FIGNL2: variants seen among roughly 807,000 people sequenced by gnomAD.
FIGNL2 encodes the protein fidgetin-like protein 2.
For synonymous variants in FIGNL2, 565 were observed against 484.0 expected, an observed-to-expected ratio of 1.17 and a Z score of -2.20; for missense variants, 1,060 against 950.2, an observed-to-expected ratio of 1.12 and a Z score of -1.52.
chr12:51,837,711 C>T (rs1318350416), intron 1 of FIGNL2, among the ~76,000 whole-genome samples: 1 of 152,202 alleles, frequency 6.6e-6, no homozygotes, highest in Non-Finnish European at 1.5e-5. Flanking sequence ...TTGTCTCACC[C>T]CAAAGCTAGG....
chr12:51,821,098 G>A lies in FIGNL2; in HGVS notation c.1316C>T (p.Ala439Val). ...CGTGGCGAGGCAGCGGCCCAGCAGC[G>A]CTTTGCCCGCGCCCCGCGGCCCAAA... ...LLFGPRGAGK[A>V]LLGRCLATQL... The change falls in exon 2 of 2, where the codon GCG becomes GTG. Residue 439 changes from alanine to valine, a missense_variant. Coordinates refer to ENST00000618634, the MANE Select transcript of FIGNL2 (RefSeq NM_001384995.1). The A allele has an allele frequency of 7.3e-7, 1 of 1,369,478 alleles. No homozygotes were observed. The highest frequency in any genetic ancestry group is 9.3e-7 in the Non-Finnish European group (1 of 1,071,846). 84.8% of individuals were successfully genotyped at this position (1,369,478 alleles called of 1,614,324 possible). A position where few individuals can be genotyped will look rare whatever the true frequency, so the allele number is the denominator to read the frequency against.
At position 51,820,660 on chromosome 12, in the gene FIGNL2, G is replaced by A. The variant is rs761433757; in HGVS notation, c.1754C>T (p.Ala585Val). 2.5e-5 allele frequency: 38 copies of A among 1,515,708 alleles called. No individual in the cohort carries two copies. In the South Asian group the frequency reaches 4.1e-4, roughly 16 times the overall value. 93.9% of individuals were successfully genotyped at this position (1,515,708 alleles called of 1,614,324 possible). A position where few individuals can be genotyped will look rare whatever the true frequency, so the allele number is the denominator to read the frequency against. Residue 585 changes from alanine (A) to valine (V), a missense_variant, in exon 2 of 2, where the codon GCG becomes GTG. By Grantham distance (64) the Ala-to-Val change is moderately conservative (BLOSUM62 0). Transcript: ENST00000618634. ...GCALSERELA[A>V]LVQGTQGFSG... ...GAAGCCCTGCGTGCCCTGCACCAGCGCCGCCAGTTCCCGCTCACTGAGCGC... is the reference window on the plus strand; with the variant it reads ...GAAGCCCTGCGTGCCCTGCACCAGCACCGCCAGTTCCCGCTCACTGAGCGC...
chr12:51,847,109 G>C, intron 1 of FIGNL2: 1 of 985,378 alleles, frequency 1.0e-6, no homozygotes, highest in Non-Finnish European at 1.2e-6. Context: ...CGGGCAGCCC[G>C]GCGCGCCCGT....
At chr12:51,823,952 TTGC>T (rs376733046) in intron 1 of FIGNL2, among the ~76,000 whole-genome samples, 691 of 152,190 alleles carry the variant, frequency 4.5e-3, no homozygotes, top group African/African-American at 0.015. Context: ...GGTGGTGCCT[TTGC>T]TGGACCATGA....
Position 51,822,092 on chromosome 12 carries a change from A to G in FIGNL2, c.322T>C (p.Leu108=), listed in dbSNP as rs762011317. ...PWPGPEPPYP[L]ASLHEGLPGT... The stretch of plus-strand genomic sequence containing the variant: ...GGGAGGCCTTCGTGGAGTGAGGCCA[A>G]GGGGTAGGGTGGCTCCGGCCCTGGC... Residue 108 remains leucine (L), a synonymous_variant, in exon 2 of 2, where the codon TTG becomes CTG. Coordinates refer to ENST00000618634, the MANE Select transcript of FIGNL2 (RefSeq NM_001384995.1). The G allele has an allele frequency of 7.9e-5, 127 of 1,611,302 alleles. No individual in the cohort carries two copies. The highest frequency in any genetic ancestry group is 9.7e-5 in the Non-Finnish European group (114 of 1,178,942).
At chr12:51,825,710 G>A (rs1046649319) in intron 1 of FIGNL2, 2 of 149,860 alleles carry the variant, frequency 1.3e-5, no homozygotes, top group African/African-American at 4.9e-5. Flanking sequence ...TCCGCCTCCC[G>A]GGTTCACGCC....
At chr12:51,830,063 C>T (rs544731255) in intron 1 of FIGNL2, among the ~76,000 whole-genome samples, 9 of 152,018 alleles carry the variant, frequency 5.9e-5, no homozygotes, top group Admixed American at 1.3e-4. Flanking sequence ...GTGAGGGAGG[C>T]GGATCACCTG....
chr12:51,827,265 G>A (rs1939364576), intron 1 of FIGNL2, among the ~76,000 whole-genome samples: 1 of 152,260 alleles, frequency 6.6e-6, no homozygotes, highest in Non-Finnish European at 1.5e-5. Context: ...AGGCCCTGAG[G>A]ACATGGGGGA....
chr12:51,845,151 G>C (rs1260280910), intron 1 of FIGNL2, among the ~76,000 whole-genome samples: 1 of 152,222 alleles, frequency 6.6e-6, no homozygotes, highest in Non-Finnish European at 1.5e-5. Flanking sequence ...AAAAGTTATG[G>C]ATACCCAGAA....
chr12:51,821,363 G>A lies in FIGNL2; in HGVS notation c.1051C>T (p.Arg351Trp), dbSNP rs1281372214. 1 of 1,502,242 alleles carries A rather than the reference G, an allele frequency of 6.7e-7. No homozygotes were observed. Among genetic ancestry groups the A allele is most frequent in the Middle Eastern group, 1.7e-4 (1 of 5,818 alleles). The allele number at this position is 1,502,242 out of a possible 1,614,324, so 93.1% of individuals were successfully genotyped here. The change falls in exon 2 of 2, where the codon CGG becomes TGG. Residue 351 changes from arginine (R) to tryptophan (W), a missense_variant. Physicochemically the swap from Arg to Trp is moderately radical, Grantham distance 101. Transcript: ENST00000618634. ...AACCCCCCACGAGGAGCCGGGGCCC[G>A]CTCCGGGAACTTTTCAAAGGGCTCC... Reference protein sequence around the residue: ...QLEPFEKFPERAPAPRGGFAV... With the variant: ...QLEPFEKFPEWAPAPRGGFAV...
In FIGNL2 at chr12:51,823,675, G is replaced by C. The variant is rs1269491413; in HGVS notation, c.-11-1251C>G. On this transcript the variant is annotated intron_variant, in intron 1 of 1. Coordinates refer to ENST00000618634, the MANE Select transcript of FIGNL2 (RefSeq NM_001384995.1). ...GACTAAGAGGCCCATGGCACACCCA[G>C]CAACAGTCGATGCCGATGATGATTT... 3 of 152,332 alleles carry C rather than the reference G, an allele frequency of 2.0e-5. No individual in the cohort carries two copies. The East Asian group carries it at 5.8e-4, about 29-fold the overall frequency. 9.4% of individuals were successfully genotyped at this position (152,332 alleles called of 1,614,324 possible).
At chr12:51,845,571 G>A in intron 1 of FIGNL2, 1 of 985,442 alleles carries the variant, frequency 1.0e-6, no homozygotes. Flanking sequence ...GCTTTGCAGA[G>A]CCATGCTCCT....
chr12:51,825,322 C>A (rs1382673578), intron 1 of FIGNL2, among the ~76,000 whole-genome samples: 2 of 152,120 alleles, frequency 1.3e-5, no homozygotes, highest in East Asian at 3.9e-4. Flanking sequence ...CACCGCCAGC[C>A]CCTATGCTCC....
In FIGNL2 at chr12:51,818,832, A is replaced by C. The variant is rs1939104473; in HGVS notation, c.*1620T>G. 1 of 152,334 alleles carries C rather than the reference A, an allele frequency of 6.6e-6. No homozygotes were observed. The highest frequency in any genetic ancestry group is 2.1e-4 in the South Asian group (1 of 4,834). The allele number at this position is 152,334 out of a possible 1,614,324, so 9.4% of individuals were successfully genotyped here. On this transcript the variant is annotated 3_prime_UTR_variant, in exon 2 of 2. Coordinates refer to ENST00000618634, the MANE Select transcript of FIGNL2 (RefSeq NM_001384995.1). ...CCTCATCAAGGGAAAATTGGTGGGAAGGAGAGAAATATGGTTCTTGGAAGG... is the reference window on the plus strand; with the variant it reads ...CCTCATCAAGGGAAAATTGGTGGGACGGAGAGAAATATGGTTCTTGGAAGG...
intron 1 of FIGNL2, chr12:51,847,768 G>C: frequency 1.0e-6 from 1 of 985,404 alleles, no homozygotes; most frequent in Non-Finnish European, 1.2e-6. Context: ...GCAGCGGCGG[G>C]GGGGTTGCTA....
Position 51,821,717 on chromosome 12 carries a change from G to T in FIGNL2, c.697C>A (p.Pro233Thr), listed in dbSNP as rs773304995. Reference protein sequence around the residue: ...PGPPPAPYLTPGLPAPTPLPA... With the variant: ...PGPPPAPYLTTGLPAPTPLPA... ...AGGGGCGTGGGCGCGGGCAGGCCCGGGGTCAGGTAGGGGGCCGGGGGTGGG... is the reference window on the plus strand; with the variant it reads ...AGGGGCGTGGGCGCGGGCAGGCCCGTGGTCAGGTAGGGGGCCGGGGGTGGG... Residue 233 changes from proline (P) to threonine (T), a missense_variant, in exon 2 of 2, where the codon CCG becomes ACG. Pro to Thr is a conservative substitution (Grantham distance 38, BLOSUM62 -1). Transcript: ENST00000618634. 2.4e-3 allele frequency: 3,223 copies of T among 1,333,272 alleles called. 6 individuals carry two copies. Among genetic ancestry groups the T allele is most frequent in the Non-Finnish European group, 2.9e-3 (3,000 of 1,049,788 alleles). 82.6% of individuals were successfully genotyped at this position (1,333,272 alleles called of 1,614,324 possible). A position where few individuals can be genotyped will look rare whatever the true frequency, so the allele number is the denominator to read the frequency against.
intron 1 of FIGNL2, among the ~76,000 whole-genome samples, chr12:51,844,268 G>A (rs1939707941): frequency 6.6e-6 from 1 of 152,156 alleles, no homozygotes; most frequent in South Asian, 2.1e-4. Flanking sequence ...TCAAAAATGG[G>A]GTTGGGGCTA....
At chr12:51,831,364 G>A (rs1939462746) in intron 1 of FIGNL2, among the ~76,000 whole-genome samples, 1 of 152,188 alleles carries the variant, frequency 6.6e-6, no homozygotes, top group Non-Finnish European at 1.5e-5. Context: ...AGAAAACAAG[G>A]AAAGTGCAGA....
chr12:51,836,557 G>T (rs1381862705), intron 1 of FIGNL2, among the ~76,000 whole-genome samples: 2 of 152,190 alleles, frequency 1.3e-5, no homozygotes, highest in African/African-American at 2.4e-5. Context: ...GTCTCTGTTG[G>T]TGGGGGGCGG....
Sources: allele counts gnomAD v4.1 joint callset (sites outside exome capture counted in the v4.1 genomes callset), GRCh38; gene constraint gnomAD v4.1.1; transcripts MANE v1.5; gene names NCBI Gene and HGNC (gene_info 2026-07-23, HGNC 2026-07-21).